Variants in MED26 observed in about 807,000 individuals in gnomAD.
The protein encoded by MED26 is mediator of RNA polymerase II transcription subunit 26.
In MED26, 7 loss-of-function variants were observed where a neutral mutation model predicts 43.7. The ratio of observed to expected loss-of-function variants is 0.16; its 90% CI spans 0.09 to 0.30. MED26 has a LOEUF of 0.30. Among genes scored for constraint, MED26 ranks in the 10% least tolerant of loss-of-function variants. MED26 has a pLI of 1.00. For missense variants in MED26, 784 were observed against 840.6 expected (o/e 0.93, Z 0.83); for synonymous variants, 375 against 371.1 (o/e 1.01, Z -0.12).
chr19:16,593,906 C>T lies in MED26; in HGVS notation c.73-15497G>A, dbSNP rs528729531. Among the ~76,000 whole-genome samples the T allele has an allele frequency of 7.9e-5, 12 of 152,302 alleles. No individual in the cohort carries two copies. The South Asian group carries it at 1.0e-3, about 13-fold the overall frequency. ...GCAAACATGTTTGCTCAGCAAGGCT[C>T]AACGTGTTTTGAGAGAGCCTTCGTT... On this transcript the variant is annotated intron_variant, in intron 1 of 2. Coordinates refer to ENST00000263390, the MANE Select transcript of MED26 (RefSeq NM_004831.5).
intron 1 of MED26, among the ~76,000 whole-genome samples, chr19:16,609,506 T>C (rs569530419): frequency 6.0e-4 from 91 of 152,216 alleles, no homozygotes; most frequent in Middle Eastern, 6.8e-3. Context: ...CACCCATCCT[T>C]TATACTAGTA....
intron 1 of MED26, among the ~76,000 whole-genome samples, chr19:16,623,187 G>A (rs988626992): frequency 4.3e-4 from 65 of 152,210 alleles, no homozygotes; most frequent in African/African-American, 1.5e-3. Context: ...TCAAAGACAA[G>A]GACATACACC....
At position 16,587,805 on chromosome 19, in the gene MED26, A is replaced by G. The variant is rs12461211; in HGVS notation, c.73-9396T>C. 5,612 of 152,398 alleles carry G rather than the reference A, an allele frequency of 0.037. 241 individuals carry two copies. Among genetic ancestry groups the G allele is most frequent in the Admixed American group, 0.089 (1,357 of 15,310 alleles). The allele number at this position is 152,398 out of a possible 1,614,324, so 9.4% of individuals were successfully genotyped here. On this transcript the variant is annotated intron_variant, in intron 1 of 2. Coordinates refer to ENST00000263390, the MANE Select transcript of MED26 (RefSeq NM_004831.5). The surrounding 1 kb of genome is among the most constrained non-coding windows in gnomAD (Gnocchi z 4.9). ...GGGGGACGGGAAATGCCACCTGAGT[A>G]CAGGCAGCACGCGGAGCCCTGACTG...
At chr19:16,599,010 C>T (rs536499357) in intron 1 of MED26, among the ~76,000 whole-genome samples, 2 of 152,340 alleles carry the variant, frequency 1.3e-5, no homozygotes, top group Admixed American at 1.3e-4. Flanking sequence ...TGCCCCTCCC[C>T]GCTTGGGGAC....
At chr19:16,600,042 C>G (rs1042312570) in intron 1 of MED26, among the ~76,000 whole-genome samples, 1 of 152,182 alleles carries the variant, frequency 6.6e-6, no homozygotes, top group Non-Finnish European at 1.5e-5. Context: ...TCTCCAAGCA[C>G]CCACCTGTGA....
rs1432570831 is a variant in MED26 at position 16,575,719 on chromosome 19, T to TG, written c.*307dup. ...GTGCTGGAAAGTGTCCGCACCTCTTTGGGGGTGAGGGACTAACGCTTTTTA... is the reference window on the plus strand; with the variant it reads ...GTGCTGGAAAGTGTCCGCACCTCTTTGGGGGGTGAGGGACTAACGCTTTTTA... On this transcript the variant is annotated 3_prime_UTR_variant, in exon 3 of 3. Transcript: ENST00000263390. 4 of 346,302 alleles carry TG rather than the reference T, an allele frequency of 1.2e-5. No individual in the cohort carries two copies. The highest frequency in any genetic ancestry group is 4.2e-5 in the Admixed American group (1 of 23,542). 21.5% of individuals were successfully genotyped at this position (346,302 alleles called of 1,614,324 possible).
intron 1 of MED26, chr19:16,624,451 C>T (rs1429198514): frequency 6.6e-6 from 1 of 152,232 alleles, no homozygotes; most frequent in Non-Finnish European, 1.5e-5. Flanking sequence ...GCGGCCAGGG[C>T]TAGTTCAAGT....
chr19:16,626,996 A>G (rs1283176230), intron 1 of MED26, among the ~76,000 whole-genome samples: 1 of 130,426 alleles, frequency 7.7e-6, no homozygotes, highest in Non-Finnish European at 1.5e-5. Context: ...CAGTAGCCTC[A>G]GCAAAGGGGC....
intron 1 of MED26, among the ~76,000 whole-genome samples, chr19:16,600,397 G>A (rs2086143176): frequency 6.6e-6 from 1 of 152,214 alleles, no homozygotes. Flanking sequence ...GAGCTTCACT[G>A]ATCGTTGGGG....
chr19:16,609,736 G>C (rs2086191072), intron 1 of MED26, among the ~76,000 whole-genome samples: 1 of 151,810 alleles, frequency 6.6e-6, no homozygotes, highest in Non-Finnish European at 1.5e-5. Context: ...ACATATAAAT[G>C]AAAAGATTAA....
At chr19:16,592,590 C>T (rs1219830327) in intron 1 of MED26, among the ~76,000 whole-genome samples, 7 of 152,212 alleles carry the variant, frequency 4.6e-5, no homozygotes, top group Admixed American at 6.5e-5. Flanking sequence ...AGGTCTCACC[C>T]GCTCGCCTAG....
chr19:16,607,377 A>G (rs1016927113), intron 1 of MED26, among the ~76,000 whole-genome samples: 13 of 134,832 alleles, frequency 9.6e-5, no homozygotes, highest in African/African-American at 3.1e-4. Flanking sequence ...TTTGTGGGGA[A>G]AAAAAAAAAA....
At chr19:16,602,090 C>T (rs1414652287) in intron 1 of MED26, among the ~76,000 whole-genome samples, 4 of 152,194 alleles carry the variant, frequency 2.6e-5, no homozygotes, top group Non-Finnish European at 5.9e-5. Context: ...AGGGAGCCGC[C>T]GTCAGCCTGT....
chr19:16,613,096 CTT>C (rs1187951627), intron 1 of MED26, among the ~76,000 whole-genome samples: 25 of 152,268 alleles, frequency 1.6e-4, no homozygotes, highest in African/African-American at 5.5e-4. Flanking sequence ...GACGTCCTCA[CTT>C]TATAGAGAGT....
intron 1 of MED26, among the ~76,000 whole-genome samples, chr19:16,584,039 A>G (rs559873653): frequency 7.7e-4 from 117 of 152,252 alleles, no homozygotes; most frequent in Non-Finnish European, 1.3e-3. Context: ...GCCCAAGACC[A>G]CAAGAGGTCT....
At chr19:16,599,618 G>T (rs1357523484) in intron 1 of MED26, among the ~76,000 whole-genome samples, 2 of 152,158 alleles carry the variant, frequency 1.3e-5, no homozygotes, top group Non-Finnish European at 2.9e-5. Context: ...GATGCATTCC[G>T]GCCCTCTGAC....
chr19:16,627,911 G>T lies in MED26; in HGVS notation c.33C>A (p.Ile11=). The T allele has an allele frequency of 6.7e-7, 1 of 1,500,656 alleles. No homozygotes were observed. Among genetic ancestry groups the T allele is most frequent in the East Asian group, 2.8e-5 (1 of 35,346 alleles). The allele number at this position is 1,500,656 out of a possible 1,614,324, so 93.0% of individuals were successfully genotyped here. A position where few individuals can be genotyped will look rare whatever the true frequency, so the allele number is the denominator to read the frequency against. MTAAPASPQQ[I]RDRLLQAIDP... ...CGATGGCCTGCAGCAGCCGGTCCCT[G>T]ATCTGCTGCGGAGACGCCGGAGCCG... Residue 11 remains isoleucine (I), a synonymous_variant, in exon 1 of 3, where the codon ATC becomes ATA. Coordinates refer to ENST00000263390, the MANE Select transcript of MED26 (RefSeq NM_004831.5).
rs886766530 is a variant in MED26, at chr19:16,586,911, G to C, written c.73-8502C>G. On this transcript the variant is annotated intron_variant, in intron 1 of 2. Coordinates refer to ENST00000263390, the MANE Select transcript of MED26 (RefSeq NM_004831.5). This position sits in a 1 kb window ranked among gnomAD's most constrained non-coding sequence, Gnocchi z 5.1. ...AAAAACAACAATGGGGATGTTGTCG[G>C]GTTTTTTTTTTTTTTTTAATGCAGA... 6.6e-6 allele frequency: 1 copy of C among 151,326 alleles called. No individual in the cohort carries two copies. The highest frequency in any genetic ancestry group is 2.4e-5 in the African/African-American group (1 of 41,210). 9.4% of individuals were successfully genotyped at this position (151,326 alleles called of 1,614,324 possible).
At chr19:16,627,067 G>A (rs2086281167) in intron 1 of MED26, among the ~76,000 whole-genome samples, 1 of 152,172 alleles carries the variant, frequency 6.6e-6, no homozygotes, top group Admixed American at 6.5e-5. Context: ...CCACCAGGCT[G>A]AGACCCCCAG....
Sources: gnomAD v4.1 joint callset for allele counts (sites outside exome capture counted in the v4.1 genomes callset) on GRCh38, gnomAD v4.1.1 for gene constraint, Gnocchi (gnomAD v3.1) non-coding constraint, MANE v1.5 for transcripts, NCBI Gene and HGNC (gene_info 2026-07-23, HGNC 2026-07-21) for gene names.